The following MTX1 variants were observed in gnomAD, a reference collection of about 807,000 sequenced individuals.
The protein encoded by MTX1 is metaxin 1.
MTX1 carries 20 observed loss-of-function variants against 39.4 expected under a neutral mutation model. The observed-to-expected ratio is 0.51, with a 90% CI of 0.36 to 0.74. The LOEUF (loss-of-function observed/expected upper bound fraction) is 0.74, where lower values mean the gene tolerates loss of function less well. MTX1 is among the 30% of genes least tolerant of loss of function. The pLI is 0.00. For missense variants in MTX1, 481 were observed against 485.9 expected (o/e 0.99, Z 0.10); for synonymous variants, 209 against 198.6 (o/e 1.05, Z -0.44).
chr1:155,210,233 A>T, intron 1 of MTX1, 113 bp from the exon 2 acceptor site: 1 of 917,534 alleles, frequency 1.1e-6, no homozygotes, highest in Non-Finnish European at 1.7e-6. Flanking sequence ...CGAGACTAAG[A>T]TACTAAGTAT....
rs752758999 is a variant in MTX1 at position 155,212,547 on chromosome 1, G to A, written c.934G>A (p.Glu312Lys). The change falls in exon 5 of 8, where the codon GAG becomes AAG. Residue 312 changes from glutamate (E) to lysine (K), a missense_variant. By Grantham distance (56) the Glu-to-Lys change is moderately conservative. This residue lies in a region of MTX1 where 113 missense variants were observed against 153.2 expected (regional missense o/e 0.74). Coordinates refer to ENST00000368376, the MANE Select transcript of MTX1 (RefSeq NM_002455.5). ...LLTGEHRPED[E>K]EELEKELYRE... ...GACTGGGGAGCACAGGCCTGAGGAC[G>A]AGGAAGAGCTGGAGAAGGAGGTAGC... The A allele has an allele frequency of 3.3e-5, 53 of 1,611,098 alleles. No homozygotes were observed. Among genetic ancestry groups the A allele is most frequent in the Middle Eastern group, 1.6e-4 (1 of 6,068 alleles).
chr1:155,208,736 G>A lies in MTX1; in HGVS notation c.-69G>A. 2 of 532,266 alleles carry A rather than the reference G, an allele frequency of 3.8e-6. No homozygotes were observed. Among genetic ancestry groups the A allele is most frequent in the Non-Finnish European group, 2.8e-6 (1 of 360,022 alleles). 33.0% of individuals were successfully genotyped at this position (532,266 alleles called of 1,614,324 possible). ...GGCCTCCGCTCCGGCCGCCGCCACCGCCCCTGTTTTGTTTCCATGGCGACA... is the reference window on the plus strand; with the variant it reads ...GGCCTCCGCTCCGGCCGCCGCCACCACCCCTGTTTTGTTTCCATGGCGACA... On this transcript the variant is annotated 5_prime_UTR_variant, in exon 1 of 8. Transcript: ENST00000368376.
intron 6 of MTX1, 21 bp downstream of exon 6, chr1:155,212,791 G>A: frequency 1.9e-6 from 3 of 1,548,546 alleles, no homozygotes; most frequent in Non-Finnish European, 2.6e-6. Context: ...CTCCAAGAGG[G>A]TAATGGGTGG....
intron 3 of MTX1, 89 bp downstream of exon 3, chr1:155,210,716 A>G: frequency 1.6e-6 from 2 of 1,227,102 alleles, no homozygotes; most frequent in East Asian, 2.3e-5. Context: ...GATATATGCC[A>G]TGCTAGATGC....
Position 155,209,273 on chromosome 1 carries a change from T to C in MTX1, c.469T>C (p.Phe157Leu). Residue 157 changes from phenylalanine to leucine, a missense_variant, in exon 1 of 8, where the codon TTC becomes CTC. By Grantham distance (22) the Phe-to-Leu change is conservative (BLOSUM62 0). Coordinates refer to ENST00000368376, the MANE Select transcript of MTX1 (RefSeq NM_002455.5). ...VGKMAAPMEL[F>L]CWSGGWGLPS... ...CAAGATGGCGGCGCCCATGGAGCTGTTCTGCTGGTCAGGGGGCTGGGGGCT... is the reference window on the plus strand; with the variant it reads ...CAAGATGGCGGCGCCCATGGAGCTGCTCTGCTGGTCAGGGGGCTGGGGGCT... 1 of 1,450,632 alleles carries C rather than the reference T, an allele frequency of 6.9e-7. No homozygotes were observed. Among genetic ancestry groups the C allele is most frequent in the Non-Finnish European group, 9.1e-7 (1 of 1,099,820 alleles). 89.9% of individuals were successfully genotyped at this position (1,450,632 alleles called of 1,614,324 possible).
chr1:155,210,222 TCGAGA>T, intron 1 of MTX1, 119 bp from the exon 2 acceptor site: 1 of 833,570 alleles, frequency 1.2e-6, no homozygotes, highest in Non-Finnish European at 2.0e-6. Context: ...CCCTTTTTTT[TCGAGA>T]CTAAGATACT....
At position 155,209,312 on chromosome 1, in the gene MTX1, C is replaced by T. The variant is rs1224439190; in HGVS notation, c.508C>T (p.Leu170=). The T allele has an allele frequency of 1.4e-6, 2 of 1,432,350 alleles. No individual in the cohort carries two copies. Among genetic ancestry groups the T allele is most frequent in the Non-Finnish European group, 1.8e-6 (2 of 1,094,340 alleles). The allele number at this position is 1,432,350 out of a possible 1,614,324, so 88.7% of individuals were successfully genotyped here. ...SGGWGLPSVD[L]DSLAVLTYAR... is the part of the protein sequence containing the mutation. ...GGGCTGGGGGCTGCCGTCAGTGGAC[C>T]TGGACAGCCTGGCCGTGCTGGTGAG... The change falls in exon 1 of 8, where the codon CTG becomes TTG. Residue 170 remains leucine, a synonymous_variant. Transcript: ENST00000368376.
At position 155,208,975 on chromosome 1, in the gene MTX1, G is replaced by T; in HGVS notation, c.171G>T (p.Trp57Cys). ...AAPSGVRGST[W>C]TRRRDSPRRA... ...CTTCAGGGGTTCGGGGCTCCACTTG[G>T]ACGAGGCGCCGTGACTCTCCGAGGC... Residue 57 changes from tryptophan (W) to cysteine (C), a missense_variant, in exon 1 of 8, where the codon TGG becomes TGT. By Grantham distance (215) the Trp-to-Cys change is radical. Around this residue, in one of 2 missense-constraint regions of MTX1, gnomAD observed 368 missense variants for 332.8 expected, o/e 1.11. Coordinates refer to ENST00000368376, the MANE Select transcript of MTX1 (RefSeq NM_002455.5). 1 of 1,606,680 alleles carries T rather than the reference G, an allele frequency of 6.2e-7. No homozygotes were observed. The highest frequency in any genetic ancestry group is 8.5e-7 in the Non-Finnish European group (1 of 1,177,832).
At chr1:155,211,309 A>G (rs985254519) in intron 3 of MTX1, 18 of 153,082 alleles carry the variant, frequency 1.2e-4, no homozygotes, top group Non-Finnish European at 2.5e-4. Flanking sequence ...TTCCTGGCAG[A>G]GCCGAGGCCA....
At chr1:155,210,446 G>C (rs1255547087) in intron 2 of MTX1, 31 bp downstream of exon 2, 1 of 1,611,232 alleles carries the variant, frequency 6.2e-7, no homozygotes, top group Non-Finnish European at 8.5e-7. Flanking sequence ...GTAAGGAAGG[G>C]TGTGTACAAG....
At chr1:155,210,299 TG>T in intron 1 of MTX1, 46 bp from the exon 2 acceptor site, 2 of 1,501,698 alleles carry the variant, frequency 1.3e-6, no homozygotes, top group Non-Finnish European at 1.9e-6. Flanking sequence ...GATACCACTG[TG>T]GGGGACATGG....
chr1:155,209,100 C>G lies in MTX1; in HGVS notation c.296C>G (p.Ala99Gly). The G allele has an allele frequency of 6.5e-7, 1 of 1,543,332 alleles. No individual in the cohort carries two copies. The highest frequency in any genetic ancestry group is 8.7e-7 in the Non-Finnish European group (1 of 1,143,770). ...EARGPVPRSS[A>G]ASRARRSLAS... ...CGCGGCCCAGTCCCCCGCAGTTCAG[C>G]TGCCAGTCGGGCCAGAAGAAGCCTC... The change falls in exon 1 of 8, where the codon GCT (alanine) becomes GGT (glycine). Residue 99 changes from alanine (A) to glycine (G), a missense_variant. Ala to Gly is a moderately conservative substitution (Grantham distance 60, BLOSUM62 0). Transcript: ENST00000368376.
chr1:155,209,362 T>A (rs1571944624), intron 1 of MTX1, 30 bp downstream of exon 1: 1 of 1,392,878 alleles, frequency 7.2e-7, no homozygotes. Flanking sequence ...CCCTCTGCTG[T>A]GCCCTGATGA....
chr1:155,208,775 C>A lies in MTX1; in HGVS notation c.-30C>A. On this transcript the variant is annotated 5_prime_UTR_variant, in exon 1 of 8. Transcript: ENST00000368376. ...TCCATGGCGACAGGCGGCGCAGGGC[C>A]CGCTCCAAACATAACGCGCTGTGGA... The A allele has an allele frequency of 6.8e-7, 1 of 1,471,062 alleles. No individual in the cohort carries two copies. Among genetic ancestry groups the A allele is most frequent in the Non-Finnish European group, 9.0e-7 (1 of 1,107,936 alleles). 91.1% of individuals were successfully genotyped at this position (1,471,062 alleles called of 1,614,324 possible).
chr1:155,209,505 T>C (rs1217465326), intron 1 of MTX1, among the ~76,000 whole-genome samples, 173 bp downstream of exon 1: 6 of 152,224 alleles, frequency 3.9e-5, no homozygotes, highest in African/African-American at 1.4e-4. Context: ...GCTGTAGTTT[T>C]CTAGGCTTAA....
At chr1:155,212,086 G>A (rs746015357) in intron 3 of MTX1, 41 bp from the exon 4 acceptor site, 1 of 1,545,866 alleles carries the variant, frequency 6.5e-7, no homozygotes, top group African/African-American at 1.4e-5. Context: ...AAGTGCCCTT[G>A]CAGCTCCCTA....
At position 155,209,161 on chromosome 1, in the gene MTX1, A is replaced by G. The variant is rs1485061865; in HGVS notation, c.357A>G (p.Ala119=). The G allele has an allele frequency of 7.3e-6, 11 of 1,503,454 alleles. No homozygotes were observed. Among genetic ancestry groups the G allele is most frequent in the Non-Finnish European group, 4.4e-6 (5 of 1,123,990 alleles). The allele number at this position is 1,503,454 out of a possible 1,614,324, so 93.1% of individuals were successfully genotyped here. A position where few individuals can be genotyped will look rare whatever the true frequency, so the allele number is the denominator to read the frequency against. ...SPGISPGPLT[A]TIGGAVAGGG... Reference sequence around the variant, plus strand: ...GGATCTCCCCAGGCCCCCTGACCGCAACGATCGGAGGGGCGGTGGCGGGGG... The same window carrying G: ...GGATCTCCCCAGGCCCCCTGACCGCGACGATCGGAGGGGCGGTGGCGGGGG... The change falls in exon 1 of 8, where the codon GCA becomes GCG. Residue 119 remains alanine, a synonymous_variant. Coordinates refer to ENST00000368376, the MANE Select transcript of MTX1 (RefSeq NM_002455.5).
In MTX1 at chr1:155,209,214, C is replaced by G. The variant is rs1038376054; in HGVS notation, c.410C>G (p.Ala137Gly). Residue 137 changes from alanine to glycine, a missense_variant, in exon 1 of 8, where the codon GCA becomes GGA. Coordinates refer to ENST00000368376, the MANE Select transcript of MTX1 (RefSeq NM_002455.5). ...GGGPRQGRAE[A>G]HKEVFPGQRV... ...GGGCCCAGGCAGGGGAGGGCAGAAG[C>G]ACACAAGGAAGTGTTTCCGGGACAG... 1.4e-6 allele frequency: 2 copies of G among 1,460,582 alleles called. No homozygotes were observed. Among genetic ancestry groups the G allele is most frequent in the Non-Finnish European group, 1.8e-6 (2 of 1,103,414 alleles). The allele number at this position is 1,460,582 out of a possible 1,614,324, so 90.5% of individuals were successfully genotyped here. A position where few individuals can be genotyped will look rare whatever the true frequency, so the allele number is the denominator to read the frequency against.
intron 2 of MTX1, 66 bp downstream of exon 2, chr1:155,210,481 A>T (rs547740847): frequency 7.5e-6 from 12 of 1,605,938 alleles, no homozygotes; most frequent in Non-Finnish European, 1.0e-5. Flanking sequence ...ATAGGCAGGA[A>T]TGTGTTGCAA....
Sources: gnomAD v4.1 joint callset for allele counts (sites outside exome capture counted in the v4.1 genomes callset) on GRCh38, gnomAD v4.1.1 for gene constraint, gnomAD v4.1.1 regional missense constraint, MANE v1.5 for transcripts, NCBI Gene and HGNC (gene_info 2026-07-23, HGNC 2026-07-21) for gene names.